The following MMP24 variants were observed in gnomAD, a reference collection of about 807,000 sequenced individuals.
MMP24 encodes the protein matrix metalloproteinase-24.
In MMP24, 25 loss-of-function variants were observed where a neutral mutation model predicts 62.8. The ratio of observed to expected loss-of-function variants is 0.40; its 90% CI spans 0.29 to 0.56. The LOEUF is 0.56. Ranked by LOEUF, MMP24 falls within the 20% of genes least tolerant of loss-of-function variation. The pLI, the probability that MMP24 is intolerant of heterozygous loss-of-function variation, is 0.50. For missense variants in MMP24, 634 were observed against 853.6 expected (o/e 0.74, Z 3.21); for synonymous variants, 319 against 350.5 (o/e 0.91, Z 1.00).
At chr20:35,250,548 G>A (rs2060539548) in intron 2 of MMP24, among the ~76,000 whole-genome samples, 1 of 150,736 alleles carries the variant, frequency 6.6e-6, no homozygotes, top group African/African-American at 2.5e-5. Flanking sequence ...GGGCAACAGA[G>A]CGAGACTCTG....
chr20:35,253,270 C>CTTTTTTTGTTTTTTTTTTTTT (rs2060557251), intron 3 of MMP24, among the ~76,000 whole-genome samples: 2 of 79,078 alleles, frequency 2.5e-5, no homozygotes, highest in African/African-American at 1.2e-4. Flanking sequence ...CAGAACGGGA[C>CTTTTTTTGTTTTTTTTTTTTT]TTTTTTTTTT....
At chr20:35,256,137 T>C (rs974622104) in intron 4 of MMP24, 6 of 152,242 alleles carry the variant, frequency 3.9e-5, no homozygotes, top group Non-Finnish European at 8.8e-5. Context: ...GAAACTATTA[T>C]ATCTATTAAT....
Position 35,269,510 on chromosome 20 carries a change from C to T in MMP24, c.1195-250C>T. ...CATCCTTTCCGGCTCCCTCACACCT[C>T]CTTTTCCACACCAGGCCTGTCTGCT... On this transcript the variant is annotated intron_variant, in intron 6 of 8. Transcript: ENST00000246186. The surrounding 1 kb of genome is among the most constrained non-coding windows in gnomAD (Gnocchi z 4.6). 6.6e-6 allele frequency among the ~76,000 whole-genome samples: 1 copy of T among 152,230 alleles called. No homozygotes were observed. The highest frequency in any genetic ancestry group is 1.9e-4 in the East Asian group (1 of 5,192).
At chr20:35,246,817 T>C in intron 1 of MMP24, 23 bp from the exon 2 acceptor site, 1 of 1,612,962 alleles carries the variant, frequency 6.2e-7, no homozygotes, top group African/African-American at 1.3e-5. Flanking sequence ...ATAACGCATC[T>C]TTTTCTTTCC....
At position 35,276,067 on chromosome 20, in the gene MMP24, T is replaced by A. The variant is rs2060703839; in HGVS notation, c.*1458T>A. 2.5e-6 allele frequency: 1 copy of A among 398,706 alleles called. No individual in the cohort carries two copies. Among genetic ancestry groups the A allele is most frequent in the East Asian group, 3.6e-5 (1 of 28,078 alleles). The allele number at this position is 398,706 out of a possible 1,614,324, so 24.7% of individuals were successfully genotyped here. A position where few individuals can be genotyped will look rare whatever the true frequency, so the allele number is the denominator to read the frequency against. ...AGGTGTCAGGCAGTCTCCAGCGTGC[T>A]GGCCGGGTCTCGGATGCCACCCCTG... On this transcript the variant is annotated 3_prime_UTR_variant, in exon 9 of 9. Coordinates refer to ENST00000246186, the MANE Select transcript of MMP24 (RefSeq NM_006690.4).
chr20:35,253,458 TAG>T (rs2060558933), intron 3 of MMP24, among the ~76,000 whole-genome samples: 1 of 151,422 alleles, frequency 6.6e-6, no homozygotes, highest in Admixed American at 6.6e-5. Flanking sequence ...CTTGAAGGGG[TAG>T]AGTGGATCAA....
At chr20:35,242,534 G>A (rs2060493622) in intron 1 of MMP24, among the ~76,000 whole-genome samples, 2 of 152,076 alleles carry the variant, frequency 1.3e-5, no homozygotes, top group African/African-American at 4.8e-5. Flanking sequence ...AAACGCATTG[G>A]GTTATCCAGT....
chr20:35,251,236 G>A (rs528605602), intron 2 of MMP24, among the ~76,000 whole-genome samples: 51 of 151,560 alleles, frequency 3.4e-4, no homozygotes, highest in Admixed American at 5.3e-4. Context: ...CCCCTGCCTC[G>A]GCCTGCTGAG....
intron 2 of MMP24, 28 bp from the exon 3 acceptor site, chr20:35,251,877 C>T (rs1460816460): frequency 2.0e-6 from 3 of 1,525,024 alleles, no homozygotes; most frequent in Non-Finnish European, 2.7e-6. Context: ...AGTGCATATG[C>T]GTGTGTGTGT....
At chr20:35,260,360 G>A (rs372131198) in intron 4 of MMP24, among the ~76,000 whole-genome samples, 7 of 152,366 alleles carry the variant, frequency 4.6e-5, no homozygotes, top group African/African-American at 1.4e-4. Context: ...CAGAACAGGG[G>A]TTAAAAGAGC....
At position 35,271,952 on chromosome 20, in the gene MMP24, C is replaced by A; in HGVS notation, c.1600+117C>A. The A allele has an allele frequency of 8.7e-7, 1 of 1,145,790 alleles. No homozygotes were observed. Among genetic ancestry groups the A allele is most frequent in the East Asian group, 2.6e-5 (1 of 38,938 alleles). The allele number at this position is 1,145,790 out of a possible 1,614,324, so 71.0% of individuals were successfully genotyped here. On this transcript the variant is annotated intron_variant, in intron 8 of 8. Transcript: ENST00000246186. The surrounding 1 kb of genome is among the most constrained non-coding windows in gnomAD (Gnocchi z 4.0). ...CCAGGTTTGAAAAAACACCTGGTGG[C>A]AGACAACTGCCTCATATCTACCCAT...
intron 1 of MMP24, 74 bp from the exon 2 acceptor site, chr20:35,246,766 A>G: frequency 6.4e-7 from 1 of 1,551,986 alleles, no homozygotes; most frequent in Non-Finnish European, 8.9e-7. Context: ...CCTCGTGTTC[A>G]AGGCACATCT....
At chr20:35,263,975 A>T in intron 5 of MMP24, 23 bp downstream of exon 5, 1 of 1,576,628 alleles carries the variant, frequency 6.3e-7, no homozygotes, top group Non-Finnish European at 8.6e-7. Context: ...GAGAGGGGGG[A>T]CTGCTCCTTC....
In MMP24 at chr20:35,269,650, C is replaced by A; in HGVS notation, c.1195-110C>A. 7.6e-7 allele frequency: 1 copy of A among 1,310,824 alleles called. No individual in the cohort carries two copies. The highest frequency in any genetic ancestry group is 1.0e-6 in the Non-Finnish European group (1 of 971,442). 81.2% of individuals were successfully genotyped at this position (1,310,824 alleles called of 1,614,324 possible). ...TTAAAAGTCAGAAGCAGCTAATGGA[C>A]AGTCTCGGTGGAGGGCTGGGCTGTT... On this transcript the variant is annotated intron_variant, in intron 6 of 8. Coordinates refer to ENST00000246186, the MANE Select transcript of MMP24 (RefSeq NM_006690.4). The surrounding 1 kb of genome is among the most constrained non-coding windows in gnomAD (Gnocchi z 4.6).
At chr20:35,264,064 T>C in intron 5 of MMP24, 112 bp downstream of exon 5, 2 of 1,198,856 alleles carry the variant, frequency 1.7e-6, no homozygotes, top group Non-Finnish European at 1.1e-6. Context: ...TCAGCACTGC[T>C]GCTGTTTCTC....
intron 5 of MMP24, 123 bp from the exon 6 acceptor site, chr20:35,267,082 G>T: frequency 2.7e-6 from 2 of 743,720 alleles, no homozygotes; most frequent in Non-Finnish European, 4.3e-6. Flanking sequence ...GTTAAACTGG[G>T]GAGAGGGAAC....
intron 1 of MMP24, among the ~76,000 whole-genome samples, chr20:35,232,439 C>A (rs62211516): frequency 6.6e-6 from 1 of 152,116 alleles, no homozygotes; most frequent in Non-Finnish European, 1.5e-5. Flanking sequence ...GCTTGGCACA[C>A]AAAAGTCGCT....
intron 4 of MMP24, among the ~76,000 whole-genome samples, chr20:35,259,458 G>C (rs2060591797): frequency 6.6e-6 from 1 of 152,190 alleles, no homozygotes; most frequent in Non-Finnish European, 1.5e-5. Context: ...CACGTGGGGA[G>C]GAAGCGGTCA....
chr20:35,269,925 T>C lies in MMP24; in HGVS notation c.1333+27T>C, dbSNP rs1025697802. On this transcript the variant is annotated intron_variant, in intron 7 of 8. Transcript: ENST00000246186. This position sits in a 1 kb window ranked among gnomAD's most constrained non-coding sequence, Gnocchi z 4.6. The stretch of plus-strand genomic sequence containing the variant: ...TAATGTAGACTGTGCTGTGGGACAG[T>C]TCCCTGCCCAAGGTCTTGGGACCTC... 70 of 1,551,172 alleles carry C rather than the reference T, an allele frequency of 4.5e-5. No homozygotes were observed. Among genetic ancestry groups the C allele is most frequent in the Admixed American group, 3.9e-4 (20 of 50,946 alleles).
Sources: gnomAD v4.1 joint callset for allele counts (sites outside exome capture counted in the v4.1 genomes callset) on GRCh38, gnomAD v4.1.1 for gene constraint, Gnocchi (gnomAD v3.1) non-coding constraint, MANE v1.5 for transcripts, NCBI Gene and HGNC (gene_info 2026-07-23, HGNC 2026-07-21) for gene names.